Variants in PALLD observed in about 807,000 individuals in gnomAD.
PALLD encodes palladin, cytoskeletal associated protein, also known as palladin.
Under a neutral mutation model 123.5 loss-of-function variants are expected in PALLD, and 61 were observed. That is an observed-to-expected ratio of 0.49 (90% CI 0.40 to 0.61). The LOEUF (loss-of-function observed/expected upper bound fraction) is 0.61. Among genes scored for constraint, PALLD ranks in the 20% least tolerant of loss-of-function variants. The pLI is 0.00. For missense variants in PALLD, 1,273 were observed against 1,377.0 expected, an observed-to-expected ratio of 0.92 and a Z score of 1.20; for synonymous variants, 465 against 496.4, an observed-to-expected ratio of 0.94 and a Z score of 0.84.
chr4:168,722,812 TC>T (rs1365124984), intron 10 of PALLD, among the ~76,000 whole-genome samples: 1 of 152,146 alleles, frequency 6.6e-6, no homozygotes, highest in East Asian at 1.9e-4. Context: ...AATTAGATGA[TC>T]CTTGAGAAAC....
At chr4:168,831,773 A>ATATC (rs1744241121) in intron 10 of PALLD, among the ~76,000 whole-genome samples, 1 of 152,082 alleles carries the variant, frequency 6.6e-6, no homozygotes, top group South Asian at 2.1e-4. Flanking sequence ...AGCCGACAAC[A>ATATC]TATCTATGGG....
At chr4:168,890,700 T>C (rs1419811820) in intron 10 of PALLD, among the ~76,000 whole-genome samples, 1 of 152,206 alleles carries the variant, frequency 6.6e-6, no homozygotes, top group Non-Finnish European at 1.5e-5. Flanking sequence ...CACTAAGGCA[T>C]ACTCCCCTAA....
intron 10 of PALLD, among the ~76,000 whole-genome samples, chr4:168,724,105 G>C (rs555445437): frequency 2.6e-5 from 4 of 152,182 alleles, no homozygotes; most frequent in Non-Finnish European, 5.9e-5. Context: ...ACGTTGACCA[G>C]GATGGTCTTG....
chr4:168,917,765 T>A (rs1210202402), intron 17 of PALLD, among the ~76,000 whole-genome samples: 1 of 152,188 alleles, frequency 6.6e-6, no homozygotes, highest in African/African-American at 2.4e-5. Context: ...TTTTACAGTA[T>A]AAATACACAA....
intron 2 of PALLD, among the ~76,000 whole-genome samples, chr4:168,513,823 G>A (rs1270562877): frequency 6.6e-6 from 1 of 152,104 alleles, no homozygotes; most frequent in African/African-American, 2.4e-5. Flanking sequence ...TTAACTCAAG[G>A]GCCAGGCACA....
At chr4:168,669,185 A>C (rs1460837223) in intron 3 of PALLD, among the ~76,000 whole-genome samples, 1 of 152,200 alleles carries the variant, frequency 6.6e-6, no homozygotes, top group East Asian at 1.9e-4. Context: ...ATTTAATAGC[A>C]CCAATATCTC....
At chr4:168,639,757 G>A (rs1039122635) in intron 2 of PALLD, among the ~76,000 whole-genome samples, 4 of 152,028 alleles carry the variant, frequency 2.6e-5, no homozygotes, top group Non-Finnish European at 4.4e-5. Flanking sequence ...TGTTAGCCAG[G>A]ATGGTCTCGA....
rs188207666 is a variant in PALLD, at chr4:168,520,717, T to C, written c.908+8305T>C. 2.1e-3 allele frequency among the ~76,000 whole-genome samples: 324 copies of C among 152,282 alleles called. 1 individual carries two copies. The highest frequency in any genetic ancestry group is 7.2e-3 in the African/African-American group (299 of 41,538). On this transcript the variant is annotated intron_variant, in intron 2 of 21. Coordinates refer to ENST00000505667, the MANE Select transcript of PALLD (RefSeq NM_001166108.2). The stretch of plus-strand genomic sequence containing the variant: ...GTTTAATGACTTGAATATTACAGAG[T>C]GGCAGCAGCTGCCTTATTACCTCTT...
At chr4:168,843,686 G>C (rs1369185516) in intron 10 of PALLD, among the ~76,000 whole-genome samples, 1 of 152,158 alleles carries the variant, frequency 6.6e-6, no homozygotes, top group Non-Finnish European at 1.5e-5. Context: ...GTGATCGCAT[G>C]GGGTGTTTGA....
At chr4:168,579,506 T>G (rs1473839956) in intron 2 of PALLD, among the ~76,000 whole-genome samples, 1 of 152,118 alleles carries the variant, frequency 6.6e-6, no homozygotes, top group African/African-American at 2.4e-5. Flanking sequence ...TAAATCAACA[T>G]ATATCTAGTT....
chr4:168,925,110 T>C (rs760718436), intron 20 of PALLD, 32 bp downstream of exon 20: 1 of 1,610,398 alleles, frequency 6.2e-7, no homozygotes, highest in Non-Finnish European at 8.5e-7. Context: ...TTCATTGCGT[T>C]TACTCATTAA....
At chr4:168,623,342 A>T (rs1352369341) in intron 2 of PALLD, among the ~76,000 whole-genome samples, 4 of 152,220 alleles carry the variant, frequency 2.6e-5, no homozygotes, top group Non-Finnish European at 5.9e-5. Flanking sequence ...AATAACAGGG[A>T]TTCCTGAAAT....
chr4:168,563,161 G>A (rs1768031840), intron 2 of PALLD, among the ~76,000 whole-genome samples: 1 of 152,242 alleles, frequency 6.6e-6, no homozygotes, highest in Admixed American at 6.5e-5. Flanking sequence ...GGTTTCACAG[G>A]CAGGTGGTTG....
intron 2 of PALLD, among the ~76,000 whole-genome samples, chr4:168,645,889 A>G (rs1309885468): frequency 6.6e-6 from 1 of 152,132 alleles, no homozygotes; most frequent in Non-Finnish European, 1.5e-5. Flanking sequence ...CGGGGCTGTA[A>G]TGAGGATTAT....
intron 10 of PALLD, among the ~76,000 whole-genome samples, chr4:168,744,982 A>T (rs1279675171): frequency 2.6e-5 from 4 of 152,070 alleles, no homozygotes; most frequent in Admixed American, 6.6e-5. Context: ...TTGGGCCATA[A>T]CCCCACTCTA....
rs11357121 is a variant in PALLD at position 168,925,964 on chromosome 4, TA to T, written c.*33-237del. Among the ~76,000 whole-genome samples, 110,925 of 150,044 alleles carry T rather than the reference TA, an allele frequency of 0.74. 41,676 individuals carry two copies. The highest frequency in any genetic ancestry group is 0.96 in the East Asian group (4,945 of 5,150). ...GATTCCCTGTGCTGCAGTGTTTACTTAAAAAAAAAAAAGATAAACTACACTT... is the reference window on the plus strand; with the variant it reads ...GATTCCCTGTGCTGCAGTGTTTACTTAAAAAAAAAAAGATAAACTACACTT... On this transcript the variant is annotated intron_variant, in intron 21 of 21. Coordinates refer to ENST00000505667, the MANE Select transcript of PALLD (RefSeq NM_001166108.2).
chr4:168,575,392 G>A (rs1363132208), intron 2 of PALLD, among the ~76,000 whole-genome samples: 1 of 151,904 alleles, frequency 6.6e-6, no homozygotes, highest in Non-Finnish European at 1.5e-5. Context: ...AGGAGGATCT[G>A]TCAAACACTT....
intron 10 of PALLD, among the ~76,000 whole-genome samples, chr4:168,736,185 C>T (rs944756474): frequency 1.3e-5 from 2 of 152,340 alleles, no homozygotes; most frequent in Middle Eastern, 3.4e-3. Context: ...AAAATGGCCT[C>T]ATTTTGTGAA....
chr4:168,832,241 G>A, intron 10 of PALLD: 1 of 967,388 alleles, frequency 1.0e-6, no homozygotes, highest in Non-Finnish European at 1.2e-6. Flanking sequence ...CAGCGTGCAG[G>A]GTGGGCCGCG....
Sources: gnomAD v4.1 joint callset for allele counts (sites outside exome capture counted in the v4.1 genomes callset) on GRCh38, gnomAD v4.1.1 for gene constraint, MANE v1.5 for transcripts, NCBI Gene and HGNC (gene_info 2026-07-23, HGNC 2026-07-21) for gene names.